The following PDZD4 variants were observed in gnomAD, a reference collection of about 807,000 sequenced individuals.
PDZD4 encodes the protein PDZ domain-containing protein 4.
A neutral mutation model predicts 38.5 loss-of-function variants in PDZD4; 9 were observed. That is an observed-to-expected ratio of 0.23 (90% CI 0.14 to 0.41). The LOEUF (loss-of-function observed/expected upper bound fraction) is 0.41, where lower values mean the gene tolerates loss of function less well. Ranked by LOEUF, PDZD4 falls within the 10% of genes least tolerant of loss-of-function variation. PDZD4 has a pLI of 1.00. For missense variants in PDZD4, 612 were observed against 722.0 expected (o/e 0.85, Z 1.75); for synonymous variants, 349 against 315.7 (o/e 1.11, Z -1.12).
intron 6 of PDZD4, 148 bp downstream of exon 6, chrX:153,805,357 A>G: frequency 1.5e-6 from 1 of 685,969 alleles, no homozygotes; most frequent in Non-Finnish European, 2.2e-6. Flanking sequence ...AGAGGCCAGG[A>G]GGGGAAACGG....
chrX:153,819,035 T>C (rs782035338), intron 1 of PDZD4, among the ~76,000 whole-genome samples: 1 of 112,386 alleles, frequency 8.9e-6, no homozygotes, highest in South Asian at 3.6e-4. Flanking sequence ...CGGGGCGCCC[T>C]AGGCGGAGAG....
At chrX:153,823,979 T>A (rs1557081952) in intron 1 of PDZD4, among the ~76,000 whole-genome samples, 1 of 111,490 alleles carries the variant, frequency 9.0e-6, no homozygotes, top group Admixed American at 9.5e-5. Flanking sequence ...GGCCATGGAG[T>A]TCCTGTTCTA....
chrX:153,807,240 G>C (rs781898511), intron 3 of PDZD4, 39 bp downstream of exon 3: 3 of 1,182,184 alleles, frequency 2.5e-6, no homozygotes, highest in Middle Eastern at 2.6e-4. Context: ...GGCGGCTCCC[G>C]CAGCTGGCTG....
rs187940697 is a variant in PDZD4 at position 153,810,444 on chromosome X, C to G, written c.61-1849G>C. ...TGGTTTGCAGTTGGAAGCAAAGCCCCCAGTCAGCACAGAGAGGGCAGGGCG... is the reference window on the plus strand; with the variant it reads ...TGGTTTGCAGTTGGAAGCAAAGCCCGCAGTCAGCACAGAGAGGGCAGGGCG... On this transcript the variant is annotated intron_variant, in intron 1 of 7. Transcript: ENST00000393758. Among the ~76,000 whole-genome samples the G allele has an allele frequency of 5.9e-3, 663 of 112,385 alleles. 4 individuals carry two copies. The highest frequency in any genetic ancestry group is 0.02 in the African/African-American group (628 of 31,010).
rs782215921 is a variant in PDZD4 at position 153,806,059 on chromosome X, G to T, written c.567+12C>A. 25 of 1,209,865 alleles carry T rather than the reference G, an allele frequency of 2.1e-5. No individual in the cohort carries two copies. In the East Asian group the frequency reaches 7.1e-4, roughly 34 times the overall value. On this transcript the variant is annotated intron_variant, in intron 5 of 7. Transcript: ENST00000393758. ...GGGCCTTGGGCCAGGCCTGCAGCCT[G>T]CAAGTGCTCACCTGGATGATGCGGT...
At chrX:153,806,553 C>G (rs781890267) in intron 4 of PDZD4, among the ~76,000 whole-genome samples, 189 bp downstream of exon 4, 1 of 112,672 alleles carries the variant, frequency 8.9e-6, no homozygotes, top group African/African-American at 3.2e-5. Context: ...CCCACCCAGG[C>G]ACAGGCCTCT....
At chrX:153,816,369 G>T (rs1943441730) in intron 1 of PDZD4, among the ~76,000 whole-genome samples, 1 of 109,453 alleles carries the variant, frequency 9.1e-6, no homozygotes, top group Non-Finnish European at 1.9e-5. Flanking sequence ...TGGCAGGTGG[G>T]GTGCCAGGGA....
At chrX:153,829,338 C>T (rs1414941114) in intron 1 of PDZD4, among the ~76,000 whole-genome samples, 1 of 110,558 alleles carries the variant, frequency 9.0e-6, no homozygotes, top group Non-Finnish European at 1.9e-5. Context: ...GGAGTTGAAT[C>T]CAGGCCACTA....
At chrX:153,807,603 C>T (rs982483934) in intron 2 of PDZD4, among the ~76,000 whole-genome samples, 3 of 108,411 alleles carry the variant, frequency 2.8e-5, no homozygotes, top group Non-Finnish European at 3.8e-5. Flanking sequence ...AGAGGACCTG[C>T]GCATGCCTCT....
chrX:153,822,158 G>T (rs1168926712), intron 1 of PDZD4, among the ~76,000 whole-genome samples: 1 of 92,400 alleles, frequency 1.1e-5, no homozygotes, highest in African/African-American at 4.2e-5. Context: ...CTGCACTCTA[G>T]CCTGGGTGAC....
At chrX:153,827,960 C>T (rs782764505) in intron 1 of PDZD4, among the ~76,000 whole-genome samples, 1 of 111,636 alleles carries the variant, frequency 9.0e-6, no homozygotes, top group South Asian at 3.8e-4. Context: ...GCCTGGGGAT[C>T]CCAGGCCTCT....
rs2092201750 is a variant in PDZD4 at position 153,804,534 on chromosome X, A to G, written c.1147T>C (p.Phe383Leu). 1 of 1,208,345 alleles carries G rather than the reference A, an allele frequency of 8.3e-7. No individual in the cohort carries two copies. The highest frequency in any genetic ancestry group is 1.7e-5 in the African/African-American group (1 of 57,312). Residue 383 changes from phenylalanine to leucine, a missense_variant, in exon 8 of 8, where the codon TTT (phenylalanine) becomes CTT (leucine). Physicochemically the swap from Phe to Leu is conservative, Grantham distance 22. Transcript: ENST00000393758. ...CTGTTGCCTCCGGAGGCCCGGGGAA[A>G]GAGGAGGCCCAGCTGGTTGCCGTTC... ...LENGNQLGLL[F>L]PRASGGNSAL...
At chrX:153,811,611 A>T (rs1557078775) in intron 1 of PDZD4, among the ~76,000 whole-genome samples, 1 of 112,571 alleles carries the variant, frequency 8.9e-6, no homozygotes, top group Non-Finnish European at 1.9e-5. Flanking sequence ...TCTGGGGTCC[A>T]TTTTATACAT....
rs1279941641 is a variant in PDZD4, at chrX:153,824,738, C to T, written c.60+5501G>A. On this transcript the variant is annotated intron_variant, in intron 1 of 7. Transcript: ENST00000393758. ...CTGGGGCCAGGCGTGGTGGCTCACTCCTGTAATCCCAGCACTTTGGGAGGC... is the reference window on the plus strand; with the variant it reads ...CTGGGGCCAGGCGTGGTGGCTCACTTCTGTAATCCCAGCACTTTGGGAGGC... Among the ~76,000 whole-genome samples, 8 of 112,069 alleles carry T rather than the reference C, an allele frequency of 7.1e-5. No individual in the cohort carries two copies. The East Asian group carries it at 2.0e-3, about 28-fold the overall frequency.
rs1557078011 is a variant in PDZD4, at chrX:153,808,508, G to A, written c.148C>T (p.Leu50=). ...SSKEPLVIQV[L]RRSPRLRGDS... is the part of the protein sequence containing the mutation. ...CCCCGGAGGCGGGGGCTGCGTCTCA[G>A]CACCTGGATCACCAGGGGCTCCTTG... is the stretch of plus-strand genomic sequence containing the variant. Residue 50 remains leucine, a synonymous_variant, in exon 2 of 8, where the codon CTG becomes TTG. Coordinates refer to ENST00000393758, the MANE Select transcript of PDZD4 (RefSeq NM_001303512.2). The A allele has an allele frequency of 1.7e-6, 2 of 1,210,017 alleles. No individual in the cohort carries two copies. Among genetic ancestry groups the A allele is most frequent in the Non-Finnish European group, 2.2e-6 (2 of 894,743 alleles).
At chrX:153,818,032 G>T (rs1363788073) in intron 1 of PDZD4, among the ~76,000 whole-genome samples, 1 of 112,427 alleles carries the variant, frequency 8.9e-6, no homozygotes, top group African/African-American at 3.2e-5. Context: ...GATCACTTGA[G>T]GTCAGGAGTT....
At chrX:153,830,059 G>A (rs1332762222) in intron 1 of PDZD4, 180 bp downstream of exon 1, 1 of 530,837 alleles carries the variant, frequency 1.9e-6, no homozygotes, top group Non-Finnish European at 2.6e-6. Context: ...CACCCCACCC[G>A]TGGCTGGTTC....
rs781963899 is a variant in PDZD4, at chrX:153,804,904, G to A, written c.781-4C>T. The A allele has an allele frequency of 1.9e-5, 23 of 1,203,062 alleles. No homozygotes were observed. Among genetic ancestry groups the A allele is most frequent in the Non-Finnish European group, 2.5e-5 (22 of 890,857 alleles). ...CCTTCTCCTCTTCGTTTCCGGGCTA[G>A]AGCAGAAAGGTAAGTACCGCTCAGT... On this transcript the variant is annotated splice_polypyrimidine_tract_variant and splice_region_variant and intron_variant, in intron 7 of 7. Coordinates refer to ENST00000393758, the MANE Select transcript of PDZD4 (RefSeq NM_001303512.2).
chrX:153,823,064 A>T (rs970702277), intron 1 of PDZD4, among the ~76,000 whole-genome samples: 10 of 109,301 alleles, frequency 9.1e-5, no homozygotes, highest in Admixed American at 2.0e-4. Flanking sequence ...TTATTTAATT[A>T]ATTTATTTAT....
Sources: allele counts gnomAD v4.1 joint callset (sites outside exome capture counted in the v4.1 genomes callset), GRCh38; gene constraint gnomAD v4.1.1; transcripts MANE v1.5; gene names NCBI Gene and HGNC (gene_info 2026-07-23, HGNC 2026-07-21).